The following MARCHF2 variants were observed in gnomAD, a reference collection of about 807,000 sequenced individuals.
MARCHF2 encodes the protein E3 ubiquitin-protein ligase MARCHF2.
Under a neutral mutation model 24.0 loss-of-function variants are expected in MARCHF2, and 22 were observed. The observed-to-expected ratio is 0.92, with a 90% CI of 0.66 to 1.31. The LOEUF (loss-of-function observed/expected upper bound fraction) is 1.31, where lower values mean the gene tolerates loss of function less well. Ranked by LOEUF, MARCHF2 falls within the 50% of genes most tolerant of loss-of-function variation. The probability of loss-of-function intolerance (pLI) is 0.00; values close to 1 mark genes in which losing one functional copy is unlikely to be tolerated. For missense variants in MARCHF2, 301 were observed against 335.3 expected (o/e 0.90, Z 0.80); for synonymous variants, 154 against 153.0 (o/e 1.01, Z -0.05).
At chr19:8,423,432 C>G (rs189411674) in intron 2 of MARCHF2, 2 of 151,988 alleles carry the variant, frequency 1.3e-5, no homozygotes, top group African/African-American at 4.8e-5. Flanking sequence ...ATGATTCTTC[C>G]TCAAGATTCT....
intron 1 of MARCHF2, among the ~76,000 whole-genome samples, 179 bp from the exon 2 acceptor site, chr19:8,421,610 G>T (rs1967245242): frequency 6.6e-6 from 1 of 152,094 alleles, no homozygotes. Flanking sequence ...TGAGTTACAT[G>T]CATCGTCTCC....
At position 8,418,134 on chromosome 19, in the gene MARCHF2, C is replaced by T. The variant is rs561986218; in HGVS notation, c.-52-3655C>T. Reference sequence around the variant, plus strand: ...AAGGGCTGGGCTGGAGGAAAGGACTCGCCTCTGCCTGCCTTCCCGTAAAGA... The same window carrying T: ...AAGGGCTGGGCTGGAGGAAAGGACTTGCCTCTGCCTGCCTTCCCGTAAAGA... On this transcript the variant is annotated intron_variant, in intron 1 of 4. Transcript: ENST00000215555. Among the ~76,000 whole-genome samples the T allele has an allele frequency of 9.9e-5, 15 of 152,252 alleles. No individual in the cohort carries two copies. In the South Asian group the frequency reaches 2.3e-3, roughly 23 times the overall value.
intron 2 of MARCHF2, among the ~76,000 whole-genome samples, chr19:8,426,162 C>T (rs1176560546): frequency 7.4e-6 from 1 of 135,820 alleles, no homozygotes; most frequent in Non-Finnish European, 1.5e-5. Context: ...ACCCGGGAGG[C>T]GGAGCTTGCA....
At chr19:8,434,769 C>A (rs1234416801) in intron 4 of MARCHF2, among the ~76,000 whole-genome samples, 1 of 152,098 alleles carries the variant, frequency 6.6e-6, no homozygotes, top group African/African-American at 2.4e-5. Flanking sequence ...TGCAATGGTG[C>A]AATCTCAGTT....
In MARCHF2 at chr19:8,422,287, G is replaced by T. The variant is rs541843884; in HGVS notation, c.176+271G>T. 1.4e-4 allele frequency among the ~76,000 whole-genome samples: 21 copies of T among 152,264 alleles called. No individual in the cohort carries two copies. In the South Asian group the frequency reaches 3.1e-3, roughly 23 times the overall value. ...TAACACACTTTTGGGAGGCAGTATA[G>T]GGGGCGGTCAGGAGTGCAGGCTGTG... On this transcript the variant is annotated intron_variant, in intron 2 of 4. Coordinates refer to ENST00000215555, the MANE Select transcript of MARCHF2 (RefSeq NM_001005415.2).
chr19:8,430,749 C>T lies in MARCHF2; in HGVS notation c.464C>T (p.Ser155Leu). The part of the protein sequence containing the change: ...FLFITPLAAI[S>L]GWLCLRGAQD... ...TTCATCACACCGCTGGCCGCCATCT[C>T]AGGCTGGTTGTGCCTGCGCGGGGCC... Residue 155 changes from serine (S) to leucine (L), a missense_variant, in exon 4 of 5, where the codon TCA becomes TTA. By Grantham distance (145) the Ser-to-Leu change is moderately radical. Coordinates refer to ENST00000215555, the MANE Select transcript of MARCHF2 (RefSeq NM_001005415.2). This position sits in a 1 kb window ranked among gnomAD's most constrained non-coding sequence, Gnocchi z 4.4. 6.2e-7 allele frequency: 1 copy of T among 1,611,744 alleles called. No individual in the cohort carries two copies. Among genetic ancestry groups the T allele is most frequent in the East Asian group, 2.2e-5 (1 of 44,886 alleles).
intron 1 of MARCHF2, among the ~76,000 whole-genome samples, chr19:8,415,319 G>A (rs935521976): frequency 2.0e-5 from 3 of 151,750 alleles, no homozygotes; most frequent in African/African-American, 7.3e-5. Context: ...ACCTGGGGGC[G>A]GTGGAAGCTT....
chr19:8,437,200 C>G (rs59294744), intron 4 of MARCHF2, among the ~76,000 whole-genome samples: 2 of 151,558 alleles, frequency 1.3e-5, no homozygotes. Flanking sequence ...GGCTGGCCTT[C>G]GACTCCTGAG....
At chr19:8,414,059 T>G (rs1967016749) in intron 1 of MARCHF2, among the ~76,000 whole-genome samples, 1 of 152,168 alleles carries the variant, frequency 6.6e-6, no homozygotes, top group Admixed American at 6.6e-5. Flanking sequence ...TTGCTTCTCA[T>G]GCAGGGAGGA....
intron 4 of MARCHF2, among the ~76,000 whole-genome samples, chr19:8,435,827 C>CCT (rs1337748233): frequency 1.1e-5 from 1 of 93,282 alleles, no homozygotes; most frequent in African/African-American, 3.7e-5. Flanking sequence ...CTGCACCTGG[C>CCT]CTGTGTGTGT....
intron 1 of MARCHF2, among the ~76,000 whole-genome samples, chr19:8,419,593 G>T (rs1355901305): frequency 6.6e-6 from 1 of 151,236 alleles, no homozygotes; most frequent in Non-Finnish European, 1.5e-5. Flanking sequence ...GAGGCGGGCG[G>T]ATCACGAGGT....
intron 1 of MARCHF2, among the ~76,000 whole-genome samples, chr19:8,417,748 CTTTTTTTT>C (rs71175853): frequency 2.2e-4 from 6 of 26,828 alleles, no homozygotes; most frequent in South Asian, 2.8e-3. Context: ...AATACCCTGT[CTTTTTTTT>C]TTTTTTTTTT....
At chr19:8,435,458 G>C (rs556157272) in intron 4 of MARCHF2, among the ~76,000 whole-genome samples, 1 of 151,952 alleles carries the variant, frequency 6.6e-6, no homozygotes, top group African/African-American at 2.4e-5. Flanking sequence ...TATTAACATC[G>C]TTTACCCAAG....
At chr19:8,415,000 C>G (rs573256170) in intron 1 of MARCHF2, among the ~76,000 whole-genome samples, 8 of 152,320 alleles carry the variant, frequency 5.3e-5, no homozygotes, top group Admixed American at 1.3e-4. Flanking sequence ...TGACACCACC[C>G]CTTCCTAGCT....
chr19:8,437,075 G>C (rs890044037), intron 4 of MARCHF2, among the ~76,000 whole-genome samples: 7 of 151,500 alleles, frequency 4.6e-5, no homozygotes, highest in Non-Finnish European at 1.0e-4. Flanking sequence ...AACCTCCAGG[G>C]CTCAAATGAT....
intron 4 of MARCHF2, 62 bp from the exon 5 acceptor site, chr19:8,438,326 C>T (rs999831479): frequency 1.5e-5 from 23 of 1,575,006 alleles, no homozygotes; most frequent in South Asian, 1.1e-4. Context: ...GGTGCCACCA[C>T]GGCGACTTGT....
rs1345925498 is a variant in MARCHF2 at position 8,430,635 on chromosome 19, GC to G, written c.373-18del. The G allele has an allele frequency of 4.4e-6, 7 of 1,598,936 alleles. No individual in the cohort carries two copies. Among genetic ancestry groups the G allele is most frequent in the East Asian group, 4.5e-5 (2 of 44,800 alleles). On this transcript the variant is annotated intron_variant, in intron 3 of 4. Transcript: ENST00000215555. The surrounding 1 kb of genome is among the most constrained non-coding windows in gnomAD (Gnocchi z 4.4). ...GCCCCTTCTCTGCCCCCTCTCCTCT[GC>G]CCCCTATCCTCTCCCCTGCAGTGGC... is the stretch of plus-strand genomic sequence containing the variant.
In MARCHF2 at chr19:8,430,756, G is replaced by T; in HGVS notation, c.471G>T (p.Trp157Cys). Residue 157 changes from tryptophan (W) to cysteine (C), a missense_variant, in exon 4 of 5, where the codon TGG becomes TGT. By Grantham distance (215) the Trp-to-Cys change is radical (BLOSUM62 -2). Transcript: ENST00000215555. The surrounding 1 kb of genome is among the most constrained non-coding windows in gnomAD (Gnocchi z 4.4). The part of the protein sequence containing the change: ...FITPLAAISG[W>C]LCLRGAQDHL... ...CACCGCTGGCCGCCATCTCAGGCTG[G>T]TTGTGCCTGCGCGGGGCCCAGGACC... The T allele has an allele frequency of 6.2e-7, 1 of 1,611,594 alleles. No homozygotes were observed. The highest frequency in any genetic ancestry group is 8.5e-7 in the Non-Finnish European group (1 of 1,180,020).
intron 4 of MARCHF2, among the ~76,000 whole-genome samples, chr19:8,438,012 G>A (rs573464051): frequency 1.3e-5 from 2 of 151,944 alleles, no homozygotes; most frequent in East Asian, 2.0e-4. Context: ...ATCTTCCCCC[G>A]TGCCCGGGCT....
Sources: gnomAD v4.1 joint callset for allele counts (sites outside exome capture counted in the v4.1 genomes callset) on GRCh38, gnomAD v4.1.1 for gene constraint, Gnocchi (gnomAD v3.1) non-coding constraint, MANE v1.5 for transcripts, NCBI Gene and HGNC (gene_info 2026-07-23, HGNC 2026-07-21) for gene names.